The following RBFOX1 variants were observed in gnomAD, a reference collection of about 807,000 sequenced individuals.
RBFOX1 encodes RNA binding protein fox-1 homolog 1.
RBFOX1 carries 8 observed loss-of-function variants against 57.7 expected under a neutral mutation model. The observed-to-expected ratio is 0.14, with a 90% confidence interval of 0.08 to 0.25. The LOEUF is 0.25. Ranked by LOEUF, RBFOX1 falls within the 10% of genes least tolerant of loss-of-function variation. RBFOX1 has a pLI of 1.00. For synonymous variants in RBFOX1, 326 were observed against 222.4 expected, an observed-to-expected ratio of 1.47 and a Z score of -4.15; for missense variants, 611 against 548.5, an observed-to-expected ratio of 1.11 and a Z score of -1.14.
intron 3 of RBFOX1, among the ~76,000 whole-genome samples, chr16:6,816,392 T>C (rs2090072013): frequency 6.6e-6 from 1 of 152,104 alleles, no homozygotes; most frequent in African/African-American, 2.4e-5. Flanking sequence ...ATCTTCGGTT[T>C]TGTTGTTGCC....
At chr16:6,234,079 C>G (rs1431091587) in intron 1 of RBFOX1, among the ~76,000 whole-genome samples, 1 of 152,160 alleles carries the variant, frequency 6.6e-6, no homozygotes, top group Non-Finnish European at 1.5e-5. Context: ...CACTGTAAAG[C>G]TTCTTTTATA....
At chr16:6,690,009 A>G (rs1331919098) in intron 3 of RBFOX1, among the ~76,000 whole-genome samples, 1 of 152,228 alleles carries the variant, frequency 6.6e-6, no homozygotes, top group Non-Finnish European at 1.5e-5. Context: ...TATTGATGAT[A>G]AACAAGTTAA....
At chr16:6,745,560 T>C (rs1024355588) in intron 3 of RBFOX1, among the ~76,000 whole-genome samples, 1 of 152,214 alleles carries the variant, frequency 6.6e-6, no homozygotes, top group African/African-American at 2.4e-5. Context: ...ACAATTATTT[T>C]AATAGATGCA....
intron 3 of RBFOX1, among the ~76,000 whole-genome samples, chr16:6,930,552 G>T (rs1597530315): frequency 6.6e-6 from 1 of 152,038 alleles, no homozygotes; most frequent in Non-Finnish European, 1.5e-5. Context: ...TGGGATTACA[G>T]GTACCCCCCA....
chr16:5,311,933 C>G (rs1432643291), intron 1 of RBFOX1, among the ~76,000 whole-genome samples: 1 of 152,180 alleles, frequency 6.6e-6, no homozygotes. Flanking sequence ...CTGTAATAAT[C>G]TGTGGGCAAA....
intron 4 of RBFOX1, among the ~76,000 whole-genome samples, chr16:7,480,592 TG>T (rs1447411319): frequency 2.0e-5 from 3 of 152,342 alleles, no homozygotes; most frequent in Admixed American, 6.5e-5. Flanking sequence ...TTTTCAAGCG[TG>T]GACTCATTTT....
intron 5 of RBFOX1, among the ~76,000 whole-genome samples, chr16:7,521,331 G>A (rs1364193114): frequency 2.0e-5 from 3 of 152,174 alleles, no homozygotes; most frequent in African/African-American, 7.2e-5. Flanking sequence ...CAGACCTGGT[G>A]GGTCCAATAA....
At chr16:7,032,590 TG>T (rs2043101187) in intron 3 of RBFOX1, among the ~76,000 whole-genome samples, 2 of 87,520 alleles carry the variant, frequency 2.3e-5, no homozygotes, top group African/African-American at 1.2e-4. Context: ...TCTGTTTGTT[TG>T]TTTGTTTGTT....
intron 4 of RBFOX1, among the ~76,000 whole-genome samples, chr16:7,169,426 C>T (rs184031902): frequency 6.6e-5 from 10 of 152,296 alleles, no homozygotes; most frequent in East Asian, 3.9e-4. Flanking sequence ...CGATGTTTAA[C>T]GGAATCCCTG....
At chr16:5,829,334 A>G (rs955338963) in intron 3 of RBFOX1, among the ~76,000 whole-genome samples, 1 of 152,218 alleles carries the variant, frequency 6.6e-6, no homozygotes, top group African/African-American at 2.4e-5. Context: ...TGAGCTATGC[A>G]TTTTGAAAAG....
chr16:6,557,154 T>C (rs1324306388), intron 2 of RBFOX1, among the ~76,000 whole-genome samples: 4 of 143,784 alleles, frequency 2.8e-5, no homozygotes, highest in Non-Finnish European at 6.0e-5. Context: ...TATACACACA[T>C]ATATATACAC....
rs113620526 is a variant in RBFOX1, at chr16:7,471,643, C to T, written c.28-46504C>T. On this transcript the variant is annotated intron_variant, in intron 4 of 15. Transcript: ENST00000550418. The stretch of plus-strand genomic sequence containing the variant: ...GGCTTCTTTACCCATGAGCTATGCA[C>T]ATTAGATCAAAAAATGGGGGAGAAT... Among the ~76,000 whole-genome samples, 176 of 152,218 alleles carry T rather than the reference C, an allele frequency of 1.2e-3. 3 individuals are homozygous for T. Among genetic ancestry groups the T allele is most frequent in the South Asian group, 5.0e-3 (24 of 4,828 alleles).
chr16:6,688,036 T>G (rs1178646619), intron 3 of RBFOX1, among the ~76,000 whole-genome samples: 1 of 152,228 alleles, frequency 6.6e-6, no homozygotes, highest in East Asian at 1.9e-4. Context: ...ACCTGTTGTA[T>G]TAGTCCATTC....
chr16:6,107,157 T>G (rs1172487935), intron 1 of RBFOX1, among the ~76,000 whole-genome samples: 4 of 152,154 alleles, frequency 2.6e-5, no homozygotes, highest in African/African-American at 9.7e-5. Context: ...GTTTTTTTGT[T>G]TTTTTAGTTA....
chr16:7,414,574 T>C (rs2098461029), intron 4 of RBFOX1, among the ~76,000 whole-genome samples: 1 of 152,226 alleles, frequency 6.6e-6, no homozygotes, highest in South Asian at 2.1e-4. Flanking sequence ...AGGTCTACCA[T>C]ATCCCAAACA....
At chr16:5,248,427 G>A (rs1183800152) in intron 1 of RBFOX1, among the ~76,000 whole-genome samples, 1 of 152,240 alleles carries the variant, frequency 6.6e-6, no homozygotes, top group Non-Finnish European at 1.5e-5. Context: ...GCCTCTGAGA[G>A]CCCTGTATTC....
At chr16:6,695,434 AAAAGGAAAGG>A in intron 3 of RBFOX1, among the ~76,000 whole-genome samples, 1 of 72,138 alleles carries the variant, frequency 1.4e-5, no homozygotes, top group South Asian at 6.3e-4. Flanking sequence ...AAAAAAAAAA[AAAAGGAAAGG>A]AAGGGAAAGG....
At chr16:6,054,480 G>A (rs1288243295) in intron 1 of RBFOX1, among the ~76,000 whole-genome samples, 1 of 152,060 alleles carries the variant, frequency 6.6e-6, no homozygotes, top group African/African-American at 2.4e-5. Flanking sequence ...ACTAACTCCG[G>A]CTTTGAGAGT....
chr16:6,471,268 A>G (rs762163030), intron 2 of RBFOX1, among the ~76,000 whole-genome samples: 6 of 152,186 alleles, frequency 3.9e-5, no homozygotes, highest in Admixed American at 3.9e-4. Flanking sequence ...CTCAAGCATC[A>G]TCACCTTTTG....
Sources: allele counts gnomAD v4.1 joint callset (sites outside exome capture counted in the v4.1 genomes callset), GRCh38; gene constraint gnomAD v4.1.1; transcripts MANE v1.5; gene names NCBI Gene and HGNC (gene_info 2026-07-23, HGNC 2026-07-21).